KDM2B: variants seen among roughly 807,000 people sequenced by gnomAD.
KDM2B encodes lysine demethylase 2B.
In KDM2B, 26 loss-of-function variants were observed where a neutral mutation model predicts 150.0. The observed-to-expected ratio is 0.17, with a 90% CI of 0.13 to 0.24. The LOEUF is 0.24. Among genes scored for constraint, KDM2B ranks in the 10% least tolerant of loss-of-function variants. KDM2B has a pLI of 1.00. For synonymous variants in KDM2B, 734 were observed against 729.5 expected (o/e 1.01, Z -0.10); for missense variants, 1,265 against 1,816.9 (o/e 0.70, Z 5.52).
intron 6 of KDM2B, among the ~76,000 whole-genome samples, chr12:121,546,378 CCT>C (rs1889044328): frequency 1.1e-5 from 1 of 92,484 alleles, no homozygotes; most frequent in Non-Finnish European, 2.0e-5. Flanking sequence ...TTTTTTTTTG[CCT>C]TTTTTTTTTT....
At chr12:121,557,713 T>C (rs1555313001) in intron 4 of KDM2B, among the ~76,000 whole-genome samples, 2 of 152,158 alleles carry the variant, frequency 1.3e-5, no homozygotes, top group African/African-American at 2.4e-5. Context: ...GGGGGAAATG[T>C]AGCCCTACAG....
chr12:121,567,073 C>T (rs1433158078), intron 4 of KDM2B, among the ~76,000 whole-genome samples: 1 of 151,894 alleles, frequency 6.6e-6, no homozygotes, highest in African/African-American at 2.4e-5. Context: ...TTAGTAGAGA[C>T]GAGGTTTTAC....
chr12:121,416,696 A>G, the KDM2B span: 1 of 228,958 alleles, frequency 4.4e-6, no homozygotes, highest in South Asian at 6.0e-5. Context: ...GATTTACTGT[A>G]ACTATGATTC....
At position 121,467,464 on chromosome 12, in the gene KDM2B, G is replaced by T; in HGVS notation, c.1735-14120C>A. 1 of 611,094 alleles carries T rather than the reference G, an allele frequency of 1.6e-6. No homozygotes were observed. The highest frequency in any genetic ancestry group is 2.0e-6 in the Non-Finnish European group (1 of 490,550). The allele number at this position is 611,094 out of a possible 1,614,324, so 37.9% of individuals were successfully genotyped here. On this transcript the variant is annotated intron_variant, in intron 12 of 22. Transcript: ENST00000377071. The surrounding 1 kb of genome is among the most constrained non-coding windows in gnomAD (Gnocchi z 5.1). Reference sequence around the variant, plus strand: ...AGCCAGGAAGGGGCTGGCCCCCCGGGCGGGCGGGCCAATGGCGCGGCCGCG... The same window carrying T: ...AGCCAGGAAGGGGCTGGCCCCCCGGTCGGGCGGGCCAATGGCGCGGCCGCG...
Position 121,530,762 on chromosome 12 carries a change from CCT to C in KDM2B, c.931+2042_931+2043del, listed in dbSNP as rs144688767. Among the ~76,000 whole-genome samples, 453 of 152,172 alleles carry C rather than the reference CCT, an allele frequency of 3.0e-3. 5 individuals are homozygous for C. The highest frequency in any genetic ancestry group is 0.01 in the African/African-American group (435 of 41,504). ...CCCCTGCTGCCAGGGCTTCTCAAGACCTCCCCCAGCTTGCTTAAGTCACCAAC... is the reference window on the plus strand; with the variant it reads ...CCCCTGCTGCCAGGGCTTCTCAAGACCCCCCAGCTTGCTTAAGTCACCAAC... On this transcript the variant is annotated intron_variant, in intron 8 of 22. Transcript: ENST00000377071.
Position 121,453,856 on chromosome 12 carries a change from C to T in KDM2B, c.1735-512G>A, listed in dbSNP as rs139460499. On this transcript the variant is annotated intron_variant, in intron 12 of 22. Coordinates refer to ENST00000377071, the MANE Select transcript of KDM2B (RefSeq NM_032590.5). This position sits in a 1 kb window ranked among gnomAD's most constrained non-coding sequence, Gnocchi z 6.4. Reference sequence around the variant, plus strand: ...CCGTTATGGCAGCCCTAGGAGAGGACGACAGAGGGCGCGTGCTTCTTGCCG... The same window carrying T: ...CCGTTATGGCAGCCCTAGGAGAGGATGACAGAGGGCGCGTGCTTCTTGCCG... 5.8e-3 allele frequency among the ~76,000 whole-genome samples: 885 copies of T among 152,240 alleles called. 7 individuals carry two copies. The highest frequency in any genetic ancestry group is 0.02 in the African/African-American group (830 of 41,522).
At position 121,557,229 on chromosome 12, in the gene KDM2B, G is replaced by T. The variant is rs919529450; in HGVS notation, c.398-7591C>A. 8.8e-5 allele frequency among the ~76,000 whole-genome samples: 12 copies of T among 135,678 alleles called. No homozygotes were observed. The East Asian group carries it at 9.2e-4, about 10-fold the overall frequency. 89.0% of individuals were successfully genotyped at this position (135,678 alleles called of 152,430 possible). ...TTAGGGTAGGCCTAATAAGACAAGAGAATTTTTTTTTTTTTTTTTTTTTTT... is the reference window on the plus strand; with the variant it reads ...TTAGGGTAGGCCTAATAAGACAAGATAATTTTTTTTTTTTTTTTTTTTTTT... On this transcript the variant is annotated intron_variant, in intron 4 of 22. Coordinates refer to ENST00000377071, the MANE Select transcript of KDM2B (RefSeq NM_032590.5).
chr12:121,505,416 A>AC (rs1293171408), intron 11 of KDM2B, among the ~76,000 whole-genome samples: 1 of 151,892 alleles, frequency 6.6e-6, no homozygotes, highest in Non-Finnish European at 1.5e-5. Context: ...AGGCTGTCCA[A>AC]CCACCTGAGC....
At chr12:121,535,966 C>T (rs147055960) in intron 6 of KDM2B, 11,189 of 799,170 alleles carry the variant, frequency 0.014, 90 homozygotes, top group Non-Finnish European at 0.016. Context: ...CCACCGCTCA[C>T]GCCCATGCAC....
At chr12:121,569,202 C>T (rs1349410583) in intron 4 of KDM2B, among the ~76,000 whole-genome samples, 1 of 152,218 alleles carries the variant, frequency 6.6e-6, no homozygotes, top group Admixed American at 6.5e-5. Context: ...CACTGCTTCC[C>T]CACTTTCAGT....
In KDM2B at chr12:121,513,225, T is replaced by A. The variant is rs1885742327; in HGVS notation, c.1174+51A>T. 17 of 1,594,912 alleles carry A rather than the reference T, an allele frequency of 1.1e-5. No individual in the cohort carries two copies. Among genetic ancestry groups the A allele is most frequent in the Non-Finnish European group, 1.5e-5 (17 of 1,165,178 alleles). On this transcript the variant is annotated intron_variant, in intron 10 of 22. Transcript: ENST00000377071. The surrounding 1 kb of genome is among the most constrained non-coding windows in gnomAD (Gnocchi z 5.0). ...CTCCAGGCCCCACTGAGAAAATGAT[T>A]TCTGCCCCAGCTGTGCAGCCGAGGC... is the stretch of plus-strand genomic sequence containing the variant.
At chr12:121,449,202 G>T (rs201326137) in intron 13 of KDM2B, among the ~76,000 whole-genome samples, 25 of 150,530 alleles carry the variant, frequency 1.7e-4, no homozygotes, top group Non-Finnish European at 2.2e-4. Context: ...GGGCGCATGT[G>T]GGGGGGCAGA....
At chr12:121,419,314 G>T in the KDM2B span, among the ~76,000 whole-genome samples, 1 of 152,202 alleles carries the variant, frequency 6.6e-6, no homozygotes, top group African/African-American at 2.4e-5. Context: ...ATCTAGGTTT[G>T]TGGAAGTACA....
chr12:121,552,955 G>A (rs1464487213), intron 4 of KDM2B, among the ~76,000 whole-genome samples: 15 of 151,890 alleles, frequency 9.9e-5, no homozygotes, highest in Admixed American at 5.9e-4. Context: ...AGTACCAGCC[G>A]GGCACGGTGG....
At chr12:121,427,309 C>T (rs1402708766), downstream of KDM2B, among the ~76,000 whole-genome samples, 1 of 152,044 alleles carries the variant, frequency 6.6e-6, no homozygotes, top group African/African-American at 2.4e-5. Flanking sequence ...AGGCTGAGAC[C>T]AGCAGATCAC....
intron 1 of KDM2B, chr12:121,579,781 T>G: frequency 1.8e-6 from 2 of 1,094,234 alleles, no homozygotes; most frequent in Non-Finnish European, 2.4e-6. Context: ...CCTCCACGCC[T>G]TTCCCCGATA....
intron 22 of KDM2B, among the ~76,000 whole-genome samples, chr12:121,436,268 T>C (rs1555286708): frequency 6.6e-6 from 1 of 152,178 alleles, no homozygotes; most frequent in African/African-American, 2.4e-5. Flanking sequence ...ACGCCTGTAA[T>C]CCCAGCACTT....
chr12:121,491,915 C>G (rs1474971712), intron 12 of KDM2B, among the ~76,000 whole-genome samples: 1 of 151,896 alleles, frequency 6.6e-6, no homozygotes, highest in East Asian at 1.9e-4. Flanking sequence ...GTAATCACAA[C>G]ACTTTGGGAG....
chr12:121,462,066 T>C (rs190482891), intron 12 of KDM2B, among the ~76,000 whole-genome samples: 1 of 152,360 alleles, frequency 6.6e-6, no homozygotes, highest in East Asian at 1.9e-4. Flanking sequence ...CCAAGTTTTC[T>C]GCCAAAGTAC....
Sources: allele counts gnomAD v4.1 joint callset (sites outside exome capture counted in the v4.1 genomes callset), GRCh38; gene constraint gnomAD v4.1.1; non-coding constraint Gnocchi (gnomAD v3.1); transcripts MANE v1.5; gene names NCBI Gene and HGNC (gene_info 2026-07-23, HGNC 2026-07-21).